The following ABCC10 variants were observed in gnomAD, a reference collection of about 807,000 sequenced individuals.
The protein encoded by ABCC10 is ATP binding cassette subfamily C member 10, also known as ATP-binding cassette sub-family C member 10.
A neutral mutation model predicts 143.2 loss-of-function variants in ABCC10; 110 were observed. The ratio of observed to expected loss-of-function variants is 0.77; its 90% CI spans 0.66 to 0.90. The LOEUF is 0.90. ABCC10 is among the 40% of genes least tolerant of loss of function. The pLI, the probability that ABCC10 is intolerant of heterozygous loss-of-function variation, is 0.00. For synonymous variants in ABCC10, 805 were observed against 846.7 expected, an observed-to-expected ratio of 0.95 and a Z score of 0.85; for missense variants, 1,700 against 1,900.5, an observed-to-expected ratio of 0.89 and a Z score of 1.96.
At chr6:43,442,531 A>G (rs1461232171) in intron 9 of ABCC10, among the ~76,000 whole-genome samples, 1 of 152,102 alleles carries the variant, frequency 6.6e-6, no homozygotes, top group Non-Finnish European at 1.5e-5. Flanking sequence ...AGATCACACC[A>G]TTGCACTCCA....
chr6:43,430,303 C>G (rs1780989946), intron 2 of ABCC10, among the ~76,000 whole-genome samples: 1 of 152,060 alleles, frequency 6.6e-6, no homozygotes, highest in Non-Finnish European at 1.5e-5. Flanking sequence ...GTTACACAGG[C>G]TGGTCTTGAA....
intron 1 of ABCC10, 92 bp downstream of exon 1, chr6:43,427,849 C>T: frequency 8.6e-7 from 1 of 1,167,066 alleles, no homozygotes; most frequent in Non-Finnish European, 1.3e-6. Flanking sequence ...GGCTTCGGGG[C>T]GGAAGCGACG....
chr6:43,450,437 C>G, downstream of ABCC10: 1 of 1,318,508 alleles, frequency 7.6e-7, no homozygotes, highest in Non-Finnish European at 1.0e-6. This position sits in a 1 kb window ranked among gnomAD's most constrained non-coding sequence, Gnocchi z 4.5. Context: ...AGGCTGAGGT[C>G]TCCTCTGTGT....
At chr6:43,447,105 C>CA in intron 16 of ABCC10, 143 bp from the exon 17 acceptor site, 1 of 1,160,098 alleles carries the variant, frequency 8.6e-7, no homozygotes, top group Non-Finnish European at 1.2e-6. Context: ...CTTGGCCTCC[C>CA]AAAGTGCTGG....
In ABCC10 at chr6:43,443,022, T is replaced by G. The variant is rs1402931682; in HGVS notation, c.2279T>G (p.Val760Gly). ...DDPLAAVDAD[V>G]ANHLLHRCIL... is the part of the protein sequence containing the mutation. ...CCTCTGGCCGCTGTGGATGCAGATGTGGCCAACCACCTGCTGCACAGGTGC... is the reference window on the plus strand; with the variant it reads ...CCTCTGGCCGCTGTGGATGCAGATGGGGCCAACCACCTGCTGCACAGGTGC... Residue 760 changes from valine (V) to glycine (G), a missense_variant, in exon 10 of 22, where the codon GTG (valine) becomes GGG (glycine). Physicochemically the swap from Val to Gly is moderately radical, Grantham distance 109. Transcript: ENST00000372530. This position sits in a 1 kb window ranked among gnomAD's most constrained non-coding sequence, Gnocchi z 4.2. 1 of 1,612,310 alleles carries G rather than the reference T, an allele frequency of 6.2e-7. No individual in the cohort carries two copies. Among genetic ancestry groups the G allele is most frequent in the Non-Finnish European group, 8.5e-7 (1 of 1,179,416 alleles).
rs1178956895 is a variant in ABCC10, at chr6:43,441,951, T to C, written c.2217T>C (p.Ala739=). Residue 739 remains alanine, a synonymous_variant, in exon 9 of 22, where the codon GCT becomes GCC. Coordinates refer to ENST00000372530, the MANE Select transcript of ABCC10 (RefSeq NM_001198934.2). ...GTGCCCGGATTGCCCTTGCTCGTGC[T>C]GTCTACCAGGTCAGTTAAAGATGGA... The part of the protein sequence containing the change: ...GQRARIALAR[A]VYQEKELYLL... 3 of 1,613,660 alleles carry C rather than the reference T, an allele frequency of 1.9e-6. No individual in the cohort carries two copies. The East Asian group carries it at 6.7e-5, about 36-fold the overall frequency.
chr6:43,449,355 G>A, intron 20 of ABCC10, 67 bp from the exon 21 acceptor site: 1 of 1,523,300 alleles, frequency 6.6e-7, no homozygotes, highest in Non-Finnish European at 9.0e-7. Flanking sequence ...CTGTTGCTTG[G>A]GCCAGGCCCA....
chr6:43,436,341 A>G (rs1781723146), intron 6 of ABCC10, 94 bp downstream of exon 6: 1 of 1,431,606 alleles, frequency 7.0e-7, no homozygotes, highest in Non-Finnish European at 9.6e-7. Flanking sequence ...ATCATAGCTG[A>G]TGGCTCTGCA....
At chr6:43,444,752 G>A (rs1782849456) in intron 12 of ABCC10, 36 bp from the exon 13 acceptor site, 2 of 1,547,216 alleles carry the variant, frequency 1.3e-6, no homozygotes, top group Non-Finnish European at 1.7e-6. Context: ...AGGGAGAGGA[G>A]CCTCTTACAG....
At chr6:43,437,861 G>A (rs531606301) in intron 6 of ABCC10, 73 bp from the exon 7 acceptor site, 2 of 1,482,514 alleles carry the variant, frequency 1.3e-6, no homozygotes, top group South Asian at 2.4e-5. Flanking sequence ...AGCCCAGAGT[G>A]TCAAGAGGGA....
At chr6:43,447,465 C>A in intron 17 of ABCC10, 57 bp downstream of exon 17, 1 of 1,585,178 alleles carries the variant, frequency 6.3e-7, no homozygotes. Context: ...GCCCCAGTCT[C>A]CCTCACAATT....
chr6:43,432,388 G>T lies in ABCC10; in HGVS notation c.408G>T (p.Leu136Phe). 1 of 1,612,616 alleles carries T rather than the reference G, an allele frequency of 6.2e-7. No individual in the cohort carries two copies. ...GCCACTCCCGGGGTCCCTTGGCCTT[G>T]GCCCTGGTAGCCTTGCTGCCAGCTC... ...PHGHSRGPLA[L>F]ALVALLPAPA... is the part of the protein sequence containing the mutation. The change falls in exon 3 of 22, where the codon TTG becomes TTT. Residue 136 changes from leucine to phenylalanine, a missense_variant. Coordinates refer to ENST00000372530, the MANE Select transcript of ABCC10 (RefSeq NM_001198934.2).
In ABCC10 at chr6:43,443,144, C is replaced by T. The variant is rs371967874; in HGVS notation, c.2401C>T (p.Arg801Cys). ...ADAVLLMEAG[R>C]LIRAGPPSEI... ...CGCGGTGCTGCTGATGGAGGCCGGG[C>T]GCCTCATCCGGGCTGGTAATGGGGG... The change falls in exon 10 of 22, where the codon CGC becomes TGC. Residue 801 changes from arginine (R) to cysteine (C), a missense_variant. Coordinates refer to ENST00000372530, the MANE Select transcript of ABCC10 (RefSeq NM_001198934.2). The surrounding 1 kb of genome is among the most constrained non-coding windows in gnomAD (Gnocchi z 4.2). 7.5e-6 allele frequency: 12 copies of T among 1,600,428 alleles called. No individual in the cohort carries two copies. Among genetic ancestry groups the T allele is most frequent in the East Asian group, 4.5e-5 (2 of 44,768 alleles).
At position 43,433,046 on chromosome 6, in the gene ABCC10, C is replaced by CG. The variant is rs765263114; in HGVS notation, c.1072dup (p.Ala358GlyfsTer30). On this transcript the variant is annotated frameshift_variant, in exon 3 of 22. Transcript: ENST00000372530. LOFTEE classifies it high-confidence loss of function. ...GGTATATAAGGTAACACTTCAGGCA[C>CG]GGGGGGCTGTGCTGAACATCCTGTA... The CG allele has an allele frequency of 2.5e-6, 4 of 1,614,106 alleles. No homozygotes were observed. Among genetic ancestry groups the CG allele is most frequent in the South Asian group, 2.2e-5 (2 of 91,076 alleles).
chr6:43,431,718 C>T (rs1781153204), intron 2 of ABCC10: 2 of 736,512 alleles, frequency 2.7e-6, no homozygotes, highest in Admixed American at 5.8e-5. Flanking sequence ...TGTTATTATA[C>T]ATGGATATAT....
Position 43,445,607 on chromosome 6 carries a change from G to T in ABCC10, c.3039G>T (p.Val1013=). Reference sequence around the variant, plus strand: ...CAGCGTCCTTCTCCCAGGCACCAGTGACTTTCTTCAATGCCACACCCACGG... The same window carrying T: ...CAGCGTCCTTCTCCCAGGCACCAGTTACTTTCTTCAATGCCACACCCACGG... ...RLLHRVLMAP[V]TFFNATPTGR... The change falls in exon 15 of 22, where the codon GTG becomes GTT. Residue 1013 remains valine (V), a synonymous_variant. Coordinates refer to ENST00000372530, the MANE Select transcript of ABCC10 (RefSeq NM_001198934.2). 1 of 1,609,518 alleles carries T rather than the reference G, an allele frequency of 6.2e-7. No individual in the cohort carries two copies. Among genetic ancestry groups the T allele is most frequent in the South Asian group, 1.1e-5 (1 of 90,924 alleles).
At chr6:43,441,705 T>A (rs1782492017) in intron 8 of ABCC10, among the ~76,000 whole-genome samples, 157 bp from the exon 9 acceptor site, 1 of 152,224 alleles carries the variant, frequency 6.6e-6, no homozygotes, top group Admixed American at 6.5e-5. Flanking sequence ...TTATTGGAAT[T>A]ATGTCTTGTC....
Position 43,433,369 on chromosome 6 carries a change from G to A in ABCC10, c.1380+9G>A, listed in dbSNP as rs773644947. On this transcript the variant is annotated intron_variant, in intron 3 of 21. Transcript: ENST00000372530. ...AGGATGCGCGGGTTAAGGTGAGCGG[G>A]TACTTGGGGTCCCTCAGCTATCTGG... 6 of 1,593,406 alleles carry A rather than the reference G, an allele frequency of 3.8e-6. No homozygotes were observed. The highest frequency in any genetic ancestry group is 1.3e-5 in the African/African-American group (1 of 74,676).
Position 43,442,950 on chromosome 6 carries a change from G to A in ABCC10, c.2227-20G>A. ...GAGCCTTTGGGTCCTGGTGCCCACG[G>A]TACCCTCACGTCTCCATAGGAAAAG... On this transcript the variant is annotated intron_variant, in intron 9 of 21. Transcript: ENST00000372530. 6.5e-7 allele frequency: 1 copy of A among 1,548,654 alleles called. No individual in the cohort carries two copies. The highest frequency in any genetic ancestry group is 1.2e-5 in the South Asian group (1 of 80,222).
Sources: allele counts gnomAD v4.1 joint callset (sites outside exome capture counted in the v4.1 genomes callset), GRCh38; gene constraint gnomAD v4.1.1; non-coding constraint Gnocchi (gnomAD v3.1); transcripts MANE v1.5; gene names NCBI Gene and HGNC (gene_info 2026-07-23, HGNC 2026-07-21).